The following LHFPL2 variants were observed in gnomAD, a reference collection of about 807,000 sequenced individuals.
LHFPL2 encodes LHFPL tetraspan subfamily member 2 protein.
A neutral mutation model predicts 17.5 loss-of-function variants in LHFPL2; 7 were observed. That is an observed-to-expected ratio of 0.40 (90% CI 0.23 to 0.75). The LOEUF is 0.75. LHFPL2 is among the 30% of genes least tolerant of loss of function. The probability of loss-of-function intolerance (pLI) is 0.37; values close to 1 mark genes in which losing one functional copy is unlikely to be tolerated. For synonymous variants in LHFPL2, 134 were observed against 116.2 expected, an observed-to-expected ratio of 1.15 and a Z score of -0.99; for missense variants, 241 against 294.8, an observed-to-expected ratio of 0.82 and a Z score of 1.34.
intron 2 of LHFPL2, among the ~76,000 whole-genome samples, chr5:78,620,875 T>C (rs887168145): frequency 1.3e-5 from 2 of 152,224 alleles, no homozygotes; most frequent in African/African-American, 4.8e-5. Context: ...GTTTAATTTT[T>C]ATGAGTTAAA....
At chr5:78,613,862 G>A (rs926570506) in intron 2 of LHFPL2, among the ~76,000 whole-genome samples, 1 of 152,148 alleles carries the variant, frequency 6.6e-6, no homozygotes, top group African/African-American at 2.4e-5. Flanking sequence ...GGTACAAAAA[G>A]GGAGAAGGGG....
At chr5:78,534,216 G>A (rs545034134) in intron 3 of LHFPL2, among the ~76,000 whole-genome samples, 7 of 152,350 alleles carry the variant, frequency 4.6e-5, no homozygotes, top group East Asian at 3.9e-4. Context: ...CTCAGGAGCC[G>A]TAGGTCGAGA....
chr5:78,531,162 T>C lies in LHFPL2; in HGVS notation c.-185-20764A>G, dbSNP rs564286162. On this transcript the variant is annotated intron_variant, in intron 3 of 4. Coordinates refer to ENST00000380345, the MANE Select transcript of LHFPL2 (RefSeq NM_005779.3). ...CGGGCATGGTGGCTCACGCCTATAA[T>C]CCCAGCACTTTGGGAGGCTGAGGCA... is the stretch of plus-strand genomic sequence containing the variant. 1.1e-4 allele frequency among the ~76,000 whole-genome samples: 17 copies of C among 152,316 alleles called. No homozygotes were observed. In the South Asian group the frequency reaches 3.3e-3, roughly 30 times the overall value.
At chr5:78,527,374 T>TG (rs1451398068) in intron 3 of LHFPL2, among the ~76,000 whole-genome samples, 1 of 150,744 alleles carries the variant, frequency 6.6e-6, no homozygotes, top group Admixed American at 6.6e-5. Flanking sequence ...TTTTTTTTTT[T>TG]TTTTTTTTTT....
At chr5:78,640,787 A>T (rs905282245) in intron 1 of LHFPL2, among the ~76,000 whole-genome samples, 1 of 152,212 alleles carries the variant, frequency 6.6e-6, no homozygotes, top group Admixed American at 6.5e-5. Context: ...CAGACTAACA[A>T]TGATTAATCA....
chr5:78,576,395 T>C (rs927393167), intron 2 of LHFPL2, among the ~76,000 whole-genome samples: 1 of 152,158 alleles, frequency 6.6e-6, no homozygotes, highest in African/African-American at 2.4e-5. Flanking sequence ...TACGTAAAGG[T>C]AAGTCTCCCA....
At chr5:78,493,434 C>T (rs925359416) in intron 4 of LHFPL2, among the ~76,000 whole-genome samples, 30 of 152,328 alleles carry the variant, frequency 2.0e-4, no homozygotes, top group African/African-American at 4.8e-4. Context: ...TCATTTCATA[C>T]GACTCAACCT....
rs1397522181 is a variant in LHFPL2, at chr5:78,514,516, T to C, written c.-185-4118A>G. On this transcript the variant is annotated intron_variant, in intron 3 of 4. Coordinates refer to ENST00000380345, the MANE Select transcript of LHFPL2 (RefSeq NM_005779.3). The stretch of plus-strand genomic sequence containing the variant: ...ATTTGAAAAGGTAGAGTGAAGGTCC[T>C]CAGTAGAGCTGAGCCGGGGTTTGTC... 2.0e-5 allele frequency among the ~76,000 whole-genome samples: 3 copies of C among 152,194 alleles called. No individual in the cohort carries two copies. The East Asian group carries it at 5.8e-4, about 29-fold the overall frequency.
At position 78,489,830 on chromosome 5, in the gene LHFPL2, C is replaced by T. The variant is rs4703761; in HGVS notation, c.431-677G>A. 9.7e-4 allele frequency among the ~76,000 whole-genome samples: 148 copies of T among 152,312 alleles called. 3 individuals are homozygous for T. Among genetic ancestry groups the T allele is most frequent in the Admixed American group, 8.8e-3 (135 of 15,292 alleles). ...GTGGCCATTCATTTTTGGATGCCTA[C>T]GACTGCTTTGCTATGGTCTGCAAAA... On this transcript the variant is annotated intron_variant, in intron 4 of 4. Coordinates refer to ENST00000380345, the MANE Select transcript of LHFPL2 (RefSeq NM_005779.3).
At chr5:78,547,014 TA>T (rs369689330) in intron 3 of LHFPL2, among the ~76,000 whole-genome samples, 7,444 of 137,412 alleles carry the variant, frequency 0.054, 527 homozygotes, top group African/African-American at 0.17. Context: ...ACTGTACTGG[TA>T]AAAAAAAAAA....
chr5:78,569,064 C>T (rs1197554596), intron 2 of LHFPL2, among the ~76,000 whole-genome samples: 4 of 152,144 alleles, frequency 2.6e-5, no homozygotes, highest in Non-Finnish European at 5.9e-5. Flanking sequence ...AATACTGCAA[C>T]AACCAACGTA....
chr5:78,538,672 T>C (rs1418958167), intron 3 of LHFPL2, among the ~76,000 whole-genome samples: 2 of 152,220 alleles, frequency 1.3e-5, no homozygotes, highest in African/African-American at 4.8e-5. Flanking sequence ...CACCATCACC[T>C]GCATCTGCTT....
intron 3 of LHFPL2, among the ~76,000 whole-genome samples, chr5:78,551,126 CAT>C (rs1250063825): frequency 2.0e-5 from 3 of 152,138 alleles, no homozygotes; most frequent in Non-Finnish European, 4.4e-5. Context: ...ATCAGGGAAA[CAT>C]CTCCTGGAAG....
chr5:78,528,075 C>T lies in LHFPL2; in HGVS notation c.-185-17677G>A, dbSNP rs1377206939. 2.0e-5 allele frequency among the ~76,000 whole-genome samples: 3 copies of T among 152,240 alleles called. No homozygotes were observed. In the East Asian group the frequency reaches 5.8e-4, roughly 29 times the overall value. ...TGGATCTCTCTTTGGCTTAACTGTG[C>T]TCCCAGTAACATAAAACAATACTGA... On this transcript the variant is annotated intron_variant, in intron 3 of 4. Transcript: ENST00000380345.
At chr5:78,586,227 AT>A (rs1446143269) in intron 2 of LHFPL2, among the ~76,000 whole-genome samples, 1 of 152,114 alleles carries the variant, frequency 6.6e-6, no homozygotes, top group Non-Finnish European at 1.5e-5. Context: ...TTTTTTCCTC[AT>A]CCGAAACATG....
chr5:78,557,555 GACCA>G (rs1335133032), intron 3 of LHFPL2, among the ~76,000 whole-genome samples: 1 of 152,212 alleles, frequency 6.6e-6, no homozygotes, highest in African/African-American at 2.4e-5. Context: ...AGCTCTTTCA[GACCA>G]GTCACATTAG....
chr5:78,638,675 T>C (rs189092507), intron 1 of LHFPL2, among the ~76,000 whole-genome samples: 4 of 152,264 alleles, frequency 2.6e-5, no homozygotes, highest in East Asian at 1.9e-4. Flanking sequence ...CTAAGAGGAC[T>C]GGAGGAGAAT....
chr5:78,627,886 C>T (rs1745109136), intron 2 of LHFPL2, among the ~76,000 whole-genome samples: 1 of 152,220 alleles, frequency 6.6e-6, no homozygotes, highest in African/African-American at 2.4e-5. Context: ...ACCCACAAGC[C>T]TTCCTCAGAA....
chr5:78,626,814 T>C (rs373959206), intron 2 of LHFPL2, among the ~76,000 whole-genome samples: 24 of 151,896 alleles, frequency 1.6e-4, no homozygotes, highest in African/African-American at 5.5e-4. Context: ...GGCGCGGTGG[T>C]TCACGCCTGT....
Sources: allele counts gnomAD v4.1 joint callset (sites outside exome capture counted in the v4.1 genomes callset), GRCh38; gene constraint gnomAD v4.1.1; transcripts MANE v1.5; gene names NCBI Gene and HGNC (gene_info 2026-07-23, HGNC 2026-07-21).